Variants in SWAP70 observed in about 807,000 individuals in gnomAD.
The protein encoded by SWAP70 is switching B cell complex subunit SWAP70.
SWAP70 carries 34 observed loss-of-function variants against 80.2 expected under a neutral mutation model. The observed-to-expected ratio is 0.42, with a 90% confidence interval of 0.32 to 0.56. The LOEUF is 0.56. SWAP70 is among the 20% of genes least tolerant of loss of function. The probability of loss-of-function intolerance (pLI) is 0.09; values close to 1 mark genes in which losing one functional copy is unlikely to be tolerated. For missense variants in SWAP70, 578 were observed against 690.7 expected, an observed-to-expected ratio of 0.84 and a Z score of 1.83; for synonymous variants, 239 against 238.5, an observed-to-expected ratio of 1.00 and a Z score of -0.02.
chr11:9,700,488 A>G (rs1278401343), intron 2 of SWAP70, among the ~76,000 whole-genome samples: 1 of 152,238 alleles, frequency 6.6e-6, no homozygotes, highest in South Asian at 2.1e-4. Flanking sequence ...AATATGAAAT[A>G]GTTATTAAAC....
In SWAP70 at chr11:9,687,193, G is replaced by A. The variant is rs1458867347; in HGVS notation, c.100-6953G>A. On this transcript the variant is annotated intron_variant, in intron 1 of 11. Coordinates refer to ENST00000318950, the MANE Select transcript of SWAP70 (RefSeq NM_015055.4). The stretch of plus-strand genomic sequence containing the variant: ...TCAGAGGACAAGGTTCATACAGTAT[G>A]TACAATTTGGAACTGCTCAAATATA... Among the ~76,000 whole-genome samples the A allele has an allele frequency of 3.3e-5, 5 of 152,204 alleles. No individual in the cohort carries two copies. The South Asian group carries it at 1.0e-3, about 31-fold the overall frequency.
At chr11:9,724,538 A>G in intron 3 of SWAP70, 120 bp from the exon 4 acceptor site, 1 of 725,968 alleles carries the variant, frequency 1.4e-6, no homozygotes, top group Non-Finnish European at 2.2e-6. Context: ...AAAGGTAGGC[A>G]TTTTTGGAAC....
intron 1 of SWAP70, among the ~76,000 whole-genome samples, chr11:9,673,675 G>A (rs1172917752): frequency 6.6e-6 from 1 of 152,160 alleles, no homozygotes; most frequent in Non-Finnish European, 1.5e-5. Flanking sequence ...GGGTATGGGG[G>A]AGGACCCCTT....
chr11:9,730,406 C>T (rs1211844780), intron 6 of SWAP70, among the ~76,000 whole-genome samples: 1 of 150,762 alleles, frequency 6.6e-6, no homozygotes, highest in Non-Finnish European at 1.5e-5. Flanking sequence ...AGATAATAGC[C>T]TCCAGTTCTA....
intron 3 of SWAP70, among the ~76,000 whole-genome samples, chr11:9,722,164 G>A (rs1444210977): frequency 4.6e-5 from 7 of 152,146 alleles, no homozygotes; most frequent in Non-Finnish European, 7.4e-5. Flanking sequence ...AAATTGCTCT[G>A]TATTTGTCTC....
intron 7 of SWAP70, among the ~76,000 whole-genome samples, chr11:9,732,968 T>C (rs1851319856): frequency 6.6e-6 from 1 of 152,174 alleles, no homozygotes; most frequent in African/African-American, 2.4e-5. Context: ...ATGAGCACAG[T>C]TGAATTTCGT....
intron 2 of SWAP70, among the ~76,000 whole-genome samples, chr11:9,700,442 A>G (rs970141449): frequency 5.9e-5 from 9 of 152,254 alleles, no homozygotes; most frequent in African/African-American, 2.2e-4. Flanking sequence ...GAATGTTAAC[A>G]TAAAACTTAG....
At chr11:9,673,403 T>A (rs1441409552) in intron 1 of SWAP70, among the ~76,000 whole-genome samples, 1 of 152,192 alleles carries the variant, frequency 6.6e-6, no homozygotes, top group Non-Finnish European at 1.5e-5. Context: ...TGCACTGCCC[T>A]CCTGGTACAT....
At chr11:9,729,649 G>A (rs10840293) in intron 6 of SWAP70, among the ~76,000 whole-genome samples, 198 bp downstream of exon 6, 82,946 of 151,484 alleles carry the variant, frequency 0.55, 22,980 homozygotes, top group Middle Eastern at 0.74. Flanking sequence ...TAGCCACCAC[G>A]CCCAGCTAAT....
rs1353943498 is a variant in SWAP70 at position 9,724,809 on chromosome 11, A to G, written c.566A>G (p.Lys189Arg). ...IELIGNGQFS[K>R]GMDRQTVSMA... ...CTTATTGGAAATGGACAGTTTAGCA[A>G]AGGCATGGACCGGCAGACTGTGTCT... Residue 189 changes from lysine to arginine, a missense_variant, in exon 4 of 12, where the codon AAA (lysine) becomes AGA (arginine). Lys to Arg is a conservative substitution (Grantham distance 26). Coordinates refer to ENST00000318950, the MANE Select transcript of SWAP70 (RefSeq NM_015055.4). The G allele has an allele frequency of 5.6e-6, 9 of 1,614,036 alleles. No individual in the cohort carries two copies. Among genetic ancestry groups the G allele is most frequent in the Non-Finnish European group, 7.6e-6 (9 of 1,180,012 alleles).
chr11:9,702,701 G>T (rs1850848736), intron 2 of SWAP70, among the ~76,000 whole-genome samples: 1 of 152,158 alleles, frequency 6.6e-6, no homozygotes, highest in Non-Finnish European at 1.5e-5. Context: ...GATTATAGGT[G>T]TGAGCCACTG....
intron 2 of SWAP70, among the ~76,000 whole-genome samples, chr11:9,695,079 A>G (rs906129286): frequency 1.3e-5 from 2 of 152,186 alleles, no homozygotes; most frequent in African/African-American, 4.8e-5. Flanking sequence ...ACCTGAGGTC[A>G]GGAGTTTGAG....
intron 6 of SWAP70, 143 bp from the exon 7 acceptor site, chr11:9,732,386 A>C: frequency 1.2e-6 from 1 of 849,224 alleles, no homozygotes; most frequent in South Asian, 1.6e-5. Flanking sequence ...GGGTCACACC[A>C]CTATGGAGTG....
At chr11:9,696,082 G>A (rs1001350547) in intron 2 of SWAP70, among the ~76,000 whole-genome samples, 3 of 152,292 alleles carry the variant, frequency 2.0e-5, no homozygotes, top group Admixed American at 6.5e-5. Context: ...TATCTTTACT[G>A]TATAGATATT....
intron 1 of SWAP70, among the ~76,000 whole-genome samples, chr11:9,671,421 AAT>A (rs1187126248): frequency 4.9e-4 from 42 of 86,364 alleles, no homozygotes; most frequent in African/African-American, 1.2e-3. Context: ...TATATTTATA[AAT>A]ATATATATAA....
At chr11:9,749,422 ATTT>A (rs1228741518) in intron 11 of SWAP70, among the ~76,000 whole-genome samples, 3 of 151,824 alleles carry the variant, frequency 2.0e-5, no homozygotes, top group African/African-American at 7.3e-5. Flanking sequence ...AATTTTTTGT[ATTT>A]TTAGTAGAGA....
chr11:9,679,439 A>T (rs1404208064), intron 1 of SWAP70, among the ~76,000 whole-genome samples: 1 of 152,142 alleles, frequency 6.6e-6, no homozygotes, highest in African/African-American at 2.4e-5. Context: ...GGTGATGGAT[A>T]CTCAGCTAGC....
At chr11:9,671,983 C>G (rs1236193792) in intron 1 of SWAP70, among the ~76,000 whole-genome samples, 1 of 102,944 alleles carries the variant, frequency 9.7e-6, no homozygotes, top group African/African-American at 4.0e-5. Flanking sequence ...ATATATTTTT[C>G]TATATTTTAT....
At chr11:9,671,689 A>T (rs1314103103) in intron 1 of SWAP70, among the ~76,000 whole-genome samples, 2 of 108,100 alleles carry the variant, frequency 1.9e-5, no homozygotes, top group African/African-American at 3.8e-5. Context: ...GAAATATATA[A>T]ATATATTTCT....
Sources: gnomAD v4.1 joint callset for allele counts (sites outside exome capture counted in the v4.1 genomes callset) on GRCh38, gnomAD v4.1.1 for gene constraint, MANE v1.5 for transcripts, NCBI Gene and HGNC (gene_info 2026-07-23, HGNC 2026-07-21) for gene names.